The following RIIAD1 variants were observed in gnomAD, a reference collection of about 807,000 sequenced individuals.
The protein encoded by RIIAD1 is RIIa domain-containing protein 1.
A neutral mutation model predicts 13.3 loss-of-function variants in RIIAD1; 15 were observed. That is an observed-to-expected ratio of 1.13 (90% CI 0.76 to 1.74). The LOEUF is 1.74. Ranked by LOEUF, RIIAD1 falls within the 40% of genes most tolerant of loss-of-function variation. The probability of loss-of-function intolerance (pLI) is 0.00; values close to 1 mark genes in which losing one functional copy is unlikely to be tolerated. For missense variants in RIIAD1, 121 were observed against 112.2 expected (o/e 1.08, Z -0.35); for synonymous variants, 50 against 43.3 (o/e 1.16, Z -0.61).
At chr1:151,717,323 T>C (rs1673558267), upstream of RIIAD1, among the ~76,000 whole-genome samples, 1 of 150,946 alleles carries the variant, frequency 6.6e-6, no homozygotes, top group African/African-American at 2.4e-5. Flanking sequence ...AGAGGAAAAA[T>C]GGAAAGGGAC....
intron 2 of RIIAD1, among the ~76,000 whole-genome samples, chr1:151,725,666 C>G (rs545802757): frequency 3.3e-5 from 5 of 152,008 alleles, no homozygotes; most frequent in African/African-American, 1.2e-4. Flanking sequence ...ATTTATTGTG[C>G]GCTTTTGTAT....
At chr1:151,728,007 G>A (rs1673863337) in intron 3 of RIIAD1, among the ~76,000 whole-genome samples, 1 of 152,280 alleles carries the variant, frequency 6.6e-6, no homozygotes, top group African/African-American at 2.4e-5. Context: ...TAATTAGTCT[G>A]GGGTGGGGCC....
upstream of RIIAD1, chr1:151,719,576 G>A (rs1249960455): frequency 5.7e-6 from 4 of 701,220 alleles, no homozygotes; most frequent in South Asian, 6.0e-5. Flanking sequence ...GTACTTACTG[G>A]CTTCCCTGAT....
chr1:151,722,259 T>C, intron 2 of RIIAD1, 97 bp downstream of exon 2: 2 of 752,456 alleles, frequency 2.7e-6, no homozygotes, highest in Non-Finnish European at 4.6e-6. Context: ...CTTAAAAATA[T>C]GTCTATTCAT....
At position 151,721,613 on chromosome 1, in the gene RIIAD1, A is replaced by T; in HGVS notation, c.77A>T (p.Lys26Ile). The T allele has an allele frequency of 7.7e-7, 1 of 1,294,240 alleles. No individual in the cohort carries two copies. Among genetic ancestry groups the T allele is most frequent in the Non-Finnish European group, 9.8e-7 (1 of 1,017,844 alleles). 80.2% of individuals were successfully genotyped at this position (1,294,240 alleles called of 1,614,324 possible). Residue 26 changes from lysine (K) to isoleucine (I), a missense_variant, in exon 1 of 5, where the codon AAA becomes ATA. Transcript: ENST00000479191. Reference sequence around the variant, plus strand: ...GCAGCGCAGCTGGAGCAGCTGCGAAAATTCAAGGTGGGTGCGCCCGCGCCC... The same window carrying T: ...GCAGCGCAGCTGGAGCAGCTGCGAATATTCAAGGTGGGTGCGCCCGCGCCC... Reference protein sequence around the residue: ...LSAAQLEQLRKFKIQTRIANE... With the variant: ...LSAAQLEQLRIFKIQTRIANE...
chr1:151,723,025 G>A (rs1370128028), intron 2 of RIIAD1, among the ~76,000 whole-genome samples: 1 of 152,240 alleles, frequency 6.6e-6, no homozygotes, highest in African/African-American at 2.4e-5. Context: ...ACTGTATTGT[G>A]CTGTAAGCAG....
intron 1 of RIIAD1, 47 bp from the exon 2 acceptor site, chr1:151,722,039 C>T: frequency 7.3e-7 from 1 of 1,364,758 alleles, no homozygotes; most frequent in South Asian, 1.2e-5. Context: ...GGGCTGAACC[C>T]TGAATCTGTC....
At chr1:151,717,967 C>T (rs1673613591), upstream of RIIAD1, among the ~76,000 whole-genome samples, 1 of 152,032 alleles carries the variant, frequency 6.6e-6, no homozygotes, top group South Asian at 2.1e-4. Context: ...TGGTGGTAGC[C>T]CTTGCTTTCT....
At chr1:151,712,496 G>A (rs995260674) in intron 2 of RIIAD1, among the ~76,000 whole-genome samples, 1 of 152,198 alleles carries the variant, frequency 6.6e-6, no homozygotes, top group African/African-American at 2.4e-5. Context: ...CAGACCGACA[G>A]GGAAGGCCCA....
At chr1:151,721,768 C>T (rs940381756) in intron 1 of RIIAD1, 148 bp downstream of exon 1, 2 of 504,520 alleles carry the variant, frequency 4.0e-6, no homozygotes, top group East Asian at 3.3e-5. Context: ...AGACCCCCGG[C>T]GGACCTCTAG....
At chr1:151,727,910 G>A (rs915155740) in intron 3 of RIIAD1, among the ~76,000 whole-genome samples, 1 of 152,152 alleles carries the variant, frequency 6.6e-6, no homozygotes, top group Non-Finnish European at 1.5e-5. Flanking sequence ...CTTAAAGCAG[G>A]GTTCTCAACC....
chr1:151,715,378 C>A (rs1673391604), intron 4 of RIIAD1, among the ~76,000 whole-genome samples: 1 of 152,246 alleles, frequency 6.6e-6, no homozygotes, highest in East Asian at 1.9e-4. Context: ...CCTTCATGCC[C>A]TGCTTCCTAG....
intron 2 of RIIAD1, chr1:151,712,103 C>A (rs1298705530): frequency 6.6e-6 from 1 of 152,316 alleles, no homozygotes. Flanking sequence ...GCTCAGGCTT[C>A]GTTAGCTCAG....
At chr1:151,717,556 G>A (rs536226771), upstream of RIIAD1, among the ~76,000 whole-genome samples, 1 of 152,350 alleles carries the variant, frequency 6.6e-6, no homozygotes, top group East Asian at 1.9e-4. Context: ...GTTTAATTCA[G>A]CATCTTACTG....
At chr1:151,722,015 C>A (rs1035984443) in intron 1 of RIIAD1, 71 bp from the exon 2 acceptor site, 2 of 1,093,320 alleles carry the variant, frequency 1.8e-6, no homozygotes, top group African/African-American at 1.6e-5. Context: ...TTCCCGCAGC[C>A]CTTCACATCT....
upstream of RIIAD1, chr1:151,716,817 C>G (rs1485200898): frequency 2.6e-5 from 12 of 465,234 alleles, no homozygotes; most frequent in East Asian, 2.8e-4. Flanking sequence ...CCCCTCCACA[C>G]CCCCCTCCCC....
At chr1:151,721,501 C>A (rs894882217), upstream of RIIAD1, 3 of 1,266,220 alleles carry the variant, frequency 2.4e-6, no homozygotes, top group African/African-American at 3.1e-5. Context: ...GGGGCCTCGC[C>A]GGCTCGCGGC....
At chr1:151,720,322 A>G (rs944741379), upstream of RIIAD1, among the ~76,000 whole-genome samples, 1 of 141,618 alleles carries the variant, frequency 7.1e-6, no homozygotes, top group Non-Finnish European at 1.5e-5. Flanking sequence ...AGGAACCATT[A>G]TCTCTGGTTA....
At chr1:151,716,590 C>T, upstream of RIIAD1, 1 of 347,496 alleles carries the variant, frequency 2.9e-6, no homozygotes. Flanking sequence ...ATCCCTGATG[C>T]CAGATGCTTG....
Sources: gnomAD v4.1 joint callset for allele counts (sites outside exome capture counted in the v4.1 genomes callset) on GRCh38, gnomAD v4.1.1 for gene constraint, MANE v1.5 for transcripts, NCBI Gene and HGNC (gene_info 2026-07-23, HGNC 2026-07-21) for gene names.